Variants in ATP2A2 observed in about 807,000 individuals in gnomAD.
ATP2A2 encodes the protein ATPase sarcoplasmic/endoplasmic reticulum Ca2+ transporting 2.
ATP2A2 carries 14 observed loss-of-function variants against 109.3 expected under a neutral mutation model. The observed-to-expected ratio is 0.13, with a 90% CI of 0.08 to 0.20. ATP2A2 has a LOEUF of 0.20. Among genes scored for constraint, ATP2A2 ranks in the 10% least tolerant of loss-of-function variants. The probability of loss-of-function intolerance (pLI) is 1.00; values close to 1 mark genes in which losing one functional copy is unlikely to be tolerated. For synonymous variants in ATP2A2, 506 were observed against 490.9 expected, an observed-to-expected ratio of 1.03 and a Z score of -0.41; for missense variants, 657 against 1,321.6, an observed-to-expected ratio of 0.50 and a Z score of 7.80.
At chr12:110,337,890 C>T (rs1313623486) in intron 11 of ATP2A2, among the ~76,000 whole-genome samples, 3 of 152,216 alleles carry the variant, frequency 2.0e-5, no homozygotes, top group African/African-American at 7.2e-5. Context: ...ATTATACTGG[C>T]ATTCCTGGTC....
Position 110,347,176 on chromosome 12 carries a change from TATG to T in ATP2A2, c.*707_*709del. On this transcript the variant is annotated 3_prime_UTR_variant, in exon 20 of 20. Transcript: ENST00000539276. ...TGTTCCAGATTCAATCGACTGGGTT[TATG>T]TCCCTTCACATAGTTTTTAAGGTTA... 1 of 1,191,242 alleles carries T rather than the reference TATG, an allele frequency of 8.4e-7. No homozygotes were observed. Among genetic ancestry groups the T allele is most frequent in the Non-Finnish European group, 1.1e-6 (1 of 944,256 alleles). The allele number at this position is 1,191,242 out of a possible 1,614,324, so 73.8% of individuals were successfully genotyped here.
intron 7 of ATP2A2, among the ~76,000 whole-genome samples, chr12:110,326,795 C>T (rs1877846946): frequency 6.6e-6 from 1 of 152,164 alleles, no homozygotes; most frequent in Non-Finnish European, 1.5e-5. Context: ...TAGATGACAG[C>T]TGCTATTTGT....
intron 4 of ATP2A2, among the ~76,000 whole-genome samples, chr12:110,292,371 G>T (rs1873410221): frequency 6.6e-6 from 1 of 151,928 alleles, no homozygotes; most frequent in South Asian, 2.1e-4. Context: ...GGTTCAAGTG[G>T]TTCTCGTGCC....
chr12:110,283,810 C>T (rs1872399536), intron 3 of ATP2A2, among the ~76,000 whole-genome samples: 1 of 152,094 alleles, frequency 6.6e-6, no homozygotes, highest in Non-Finnish European at 1.5e-5. Flanking sequence ...TATATGTATG[C>T]AGGTCCCAGG....
In ATP2A2 at chr12:110,345,277, A is replaced by G. The variant is rs112574072; in HGVS notation, c.2636A>G (p.Asn879Ser). ...LSHFLQCKEDNPDFEGVDCAI... is the reference protein window; with the variant it reads ...LSHFLQCKEDSPDFEGVDCAI... ...CATTTCCTACAGTGTAAAGAGGACA[A>G]CCCGGACTTTGAAGGCGTGGATTGT... Residue 879 changes from asparagine to serine, a missense_variant, in exon 18 of 20, where the codon AAC (asparagine) becomes AGC (serine). Transcript: ENST00000539276. The G allele has an allele frequency of 1.9e-6, 3 of 1,614,120 alleles. No individual in the cohort carries two copies. Among genetic ancestry groups the G allele is most frequent in the Non-Finnish European group, 2.5e-6 (3 of 1,180,022 alleles).
At chr12:110,293,653 C>T (rs906481467) in intron 4 of ATP2A2, among the ~76,000 whole-genome samples, 1 of 151,740 alleles carries the variant, frequency 6.6e-6, no homozygotes, top group African/African-American at 2.4e-5. Flanking sequence ...GCCTTGGCCT[C>T]CCAAAGTGCT....
Position 110,327,623 on chromosome 12 carries a change from A to G in ATP2A2, c.701A>G (p.Lys234Arg), listed in dbSNP as rs1877939883. 1 of 1,614,156 alleles carries G rather than the reference A, an allele frequency of 6.2e-7. No individual in the cohort carries two copies. Residue 234 changes from lysine (K) to arginine (R), a missense_variant, in exon 8 of 20, where the codon AAG becomes AGG. This residue lies in a region of ATP2A2 where 136 missense variants were observed against 343.9 expected (regional missense o/e 0.40). Transcript: ENST00000539276. This position sits in a 1 kb window ranked among gnomAD's most constrained non-coding sequence, Gnocchi z 4.4. ...VATGVNTEIG[K>R]IRDEMVATEQ... is the part of the protein sequence containing the mutation. ...ACTGGAGTTAACACCGAAATTGGCA[A>G]GATCCGGGATGAAATGGTGGCAACA...
chr12:110,287,677 C>T (rs895255972), intron 3 of ATP2A2, among the ~76,000 whole-genome samples: 3 of 151,974 alleles, frequency 2.0e-5, no homozygotes, highest in East Asian at 1.9e-4. Context: ...TGCAGTGGTG[C>T]GATCTTGGCT....
chr12:110,315,668 C>T (rs1215369169), intron 5 of ATP2A2, among the ~76,000 whole-genome samples: 7 of 152,074 alleles, frequency 4.6e-5, no homozygotes, highest in Non-Finnish European at 7.4e-5. Flanking sequence ...TGGCCGGGTG[C>T]GGTGGCTCAC....
chr12:110,348,234 T>A lies in ATP2A2; in HGVS notation c.*1764T>A, dbSNP rs534956763. On this transcript the variant is annotated 3_prime_UTR_variant, in exon 20 of 20. Coordinates refer to ENST00000539276, the MANE Select transcript of ATP2A2 (RefSeq NM_170665.4). Reference sequence around the variant, plus strand: ...CCAGTGAACTCTGGGTATCGATAGGTTCGTCTTAAATAGGCCACTTCCCCA... The same window carrying A: ...CCAGTGAACTCTGGGTATCGATAGGATCGTCTTAAATAGGCCACTTCCCCA... The A allele has an allele frequency of 1.1e-4, 110 of 985,268 alleles. 1 individual carries two copies. In the African/African-American group the frequency reaches 1.6e-3, roughly 15 times the overall value. The allele number at this position is 985,268 out of a possible 1,614,324, so 61.0% of individuals were successfully genotyped here.
chr12:110,350,150 A>G lies in ATP2A2; in HGVS notation c.*3680A>G. 6.4e-7 allele frequency: 1 copy of G among 1,560,708 alleles called. No homozygotes were observed. Among genetic ancestry groups the G allele is most frequent in the Non-Finnish European group, 8.7e-7 (1 of 1,153,246 alleles). Reference sequence around the variant, plus strand: ...GCACCTCAGGGACAGTAAATCAGAAATGCTGGTCTTGAAACCTTGAAAAGA... The same window carrying G: ...GCACCTCAGGGACAGTAAATCAGAAGTGCTGGTCTTGAAACCTTGAAAAGA... On this transcript the variant is annotated 3_prime_UTR_variant, in exon 20 of 20. Transcript: ENST00000539276.
At position 110,346,135 on chromosome 12, in the gene ATP2A2, G is replaced by C; in HGVS notation, c.2859+17G>C. 6.2e-7 allele frequency: 1 copy of C among 1,614,182 alleles called. No homozygotes were observed. The highest frequency in any genetic ancestry group is 8.5e-7 in the Non-Finnish European group (1 of 1,180,032). On this transcript the variant is annotated intron_variant, in intron 19 of 19. Coordinates refer to ENST00000539276, the MANE Select transcript of ATP2A2 (RefSeq NM_170665.4). ...CCCTTGCCAGTAAGTGGTTGGGTGG[G>C]GCTTGGGACCAGCCACCTCCTTCCA...
chr12:110,286,850 A>G (rs150610736), intron 3 of ATP2A2, among the ~76,000 whole-genome samples: 36 of 152,252 alleles, frequency 2.4e-4, no homozygotes, highest in African/African-American at 7.7e-4. Context: ...TCTTTTTATG[A>G]TACTAAGAGC....
chr12:110,332,303 T>G, intron 8 of ATP2A2: 2 of 409,536 alleles, frequency 4.9e-6, no homozygotes, highest in Non-Finnish European at 9.2e-6. Context: ...TTTGTGTGGG[T>G]TGTTGTGTCT....
chr12:110,345,724 A>C, intron 18 of ATP2A2: 1 of 577,152 alleles, frequency 1.7e-6, no homozygotes. Context: ...ACAAAAATGG[A>C]AATTTCTAAA....
In ATP2A2 at chr12:110,349,439, C is replaced by G. The variant is rs1880195820; in HGVS notation, c.*2969C>G. ...CCTCCCTTGGCCTCTCTGAGCTTTG[C>G]CCAGAAGACCAACAATCATACATAC... is the stretch of plus-strand genomic sequence containing the variant. On this transcript the variant is annotated 3_prime_UTR_variant, in exon 20 of 20. Coordinates refer to ENST00000539276, the MANE Select transcript of ATP2A2 (RefSeq NM_170665.4). The G allele has an allele frequency of 9.1e-6, 9 of 985,416 alleles. No individual in the cohort carries two copies. The highest frequency in any genetic ancestry group is 1.1e-5 in the Non-Finnish European group (9 of 829,990). 61.0% of individuals were successfully genotyped at this position (985,416 alleles called of 1,614,324 possible).
At position 110,292,080 on chromosome 12, in the gene ATP2A2, A is replaced by C; in HGVS notation, c.280A>C (p.Ile94Leu). The C allele has an allele frequency of 1.2e-6, 2 of 1,614,160 alleles. No homozygotes were observed. The highest frequency in any genetic ancestry group is 1.7e-6 in the Non-Finnish European group (2 of 1,180,032). Residue 94 changes from isoleucine to leucine, a missense_variant, in exon 4 of 20, where the codon ATT (isoleucine) becomes CTT (leucine). Ile to Leu is a conservative substitution (Grantham distance 5, BLOSUM62 2). This residue lies in a region of ATP2A2 where 136 missense variants were observed against 343.9 expected (regional missense o/e 0.40). Coordinates refer to ENST00000539276, the MANE Select transcript of ATP2A2 (RefSeq NM_170665.4). The stretch of plus-strand genomic sequence containing the variant: ...TACAGCCTTTGTAGAACCTTTTGTA[A>C]TTTTACTCATATTAGTAGCCAATGC... The part of the protein sequence containing the change: ...TITAFVEPFV[I>L]LLILVANAIV...
rs1343921346 is a variant in ATP2A2 at position 110,346,909 on chromosome 12, CA to C, written c.*440del. 87 of 1,090,264 alleles carry C rather than the reference CA, an allele frequency of 8.0e-5. No individual in the cohort carries two copies. The highest frequency in any genetic ancestry group is 9.1e-5 in the Non-Finnish European group (81 of 894,104). 67.5% of individuals were successfully genotyped at this position (1,090,264 alleles called of 1,614,324 possible). A position where few individuals can be genotyped will look rare whatever the true frequency, so the allele number is the denominator to read the frequency against. On this transcript the variant is annotated 3_prime_UTR_variant, in exon 20 of 20. Transcript: ENST00000539276. ...ATGATCCGGATTTAATTTGATATCA[CA>C]GTCTAATTTTTATTCATAAGCCAAT...
intron 5 of ATP2A2, among the ~76,000 whole-genome samples, chr12:110,321,374 T>C (rs1246315718): frequency 6.6e-6 from 1 of 152,212 alleles, no homozygotes; most frequent in Non-Finnish European, 1.5e-5. Context: ...CATCTGCAAG[T>C]ATGGGAGAAT....
Sources: gnomAD v4.1 joint callset for allele counts (sites outside exome capture counted in the v4.1 genomes callset) on GRCh38, gnomAD v4.1.1 for gene constraint, gnomAD v4.1.1 regional missense constraint, Gnocchi (gnomAD v3.1) non-coding constraint, MANE v1.5 for transcripts, NCBI Gene and HGNC (gene_info 2026-07-23, HGNC 2026-07-21) for gene names.